CLSTN1: variants seen among roughly 807,000 people sequenced by gnomAD.
CLSTN1 encodes calsyntenin 1, also known as calsyntenin-1.
CLSTN1 carries 28 observed loss-of-function variants against 108.3 expected under a neutral mutation model. The observed-to-expected ratio is 0.26, with a 90% CI of 0.19 to 0.35. The LOEUF is 0.35. Ranked by LOEUF, CLSTN1 falls within the 10% of genes least tolerant of loss-of-function variation. The probability of loss-of-function intolerance (pLI) is 1.00; values close to 1 mark genes in which losing one functional copy is unlikely to be tolerated. For missense variants in CLSTN1, 1,157 were observed against 1,302.6 expected, an observed-to-expected ratio of 0.89 and a Z score of 1.72; for synonymous variants, 524 against 534.9, an observed-to-expected ratio of 0.98 and a Z score of 0.28.
At chr1:9,812,132 G>A (rs758164524) in intron 1 of CLSTN1, among the ~76,000 whole-genome samples, 4 of 152,068 alleles carry the variant, frequency 2.6e-5, no homozygotes, top group East Asian at 1.9e-4. Context: ...GCAAGACTCC[G>A]TCTCAAAAAA....
At chr1:9,810,724 G>A (rs529589762) in intron 1 of CLSTN1, among the ~76,000 whole-genome samples, 18 of 151,656 alleles carry the variant, frequency 1.2e-4, no homozygotes, top group Middle Eastern at 3.4e-3. Flanking sequence ...GCAGTGAGCC[G>A]AGATTGCGCC....
At chr1:9,749,186 A>G (rs753685137) in intron 7 of CLSTN1, among the ~76,000 whole-genome samples, 1 of 152,092 alleles carries the variant, frequency 6.6e-6, no homozygotes, top group Non-Finnish European at 1.5e-5. Context: ...TTACAGGTAT[A>G]AGCCACCACA....
At chr1:9,761,160 C>T (rs1251676106) in intron 2 of CLSTN1, among the ~76,000 whole-genome samples, 2 of 152,100 alleles carry the variant, frequency 1.3e-5, no homozygotes, top group Non-Finnish European at 2.9e-5. Flanking sequence ...CTTCATTCCC[C>T]TAGGAGATCA....
rs986975530 is a variant in CLSTN1, at chr1:9,772,712, A to C, written c.214+560T>G. On this transcript the variant is annotated intron_variant, in intron 2 of 18. Coordinates refer to ENST00000377298, the MANE Select transcript of CLSTN1 (RefSeq NM_001009566.3). ...ATGCTACAGGTTTGTCTCTATAAAG[A>C]CTGAGGCTACAATCTCATGTCTTTA... Among the ~76,000 whole-genome samples, 7 of 152,326 alleles carry C rather than the reference A, an allele frequency of 4.6e-5. No homozygotes were observed. In the South Asian group the frequency reaches 8.3e-4, roughly 18 times the overall value.
In CLSTN1 at chr1:9,749,788, G is replaced by A. The variant is rs1397960645; in HGVS notation, c.775C>T (p.Pro259Ser). ...EDVLVKISIK[P>S]TCTPGWQGWN... is the part of the protein sequence containing the mutation. ...CCTTGCCACCCAGGGGTGCAGGTGG[G>A]CTTAATGCTGATCTTCACCAAAACA... is the stretch of plus-strand genomic sequence containing the variant. Residue 259 changes from proline (P) to serine (S), a missense_variant, in exon 6 of 19, where the codon CCC (proline) becomes TCC (serine). By Grantham distance (74) the Pro-to-Ser change is moderately conservative. Coordinates refer to ENST00000377298, the MANE Select transcript of CLSTN1 (RefSeq NM_001009566.3). The A allele has an allele frequency of 6.2e-7, 1 of 1,614,070 alleles. No homozygotes were observed. Among genetic ancestry groups the A allele is most frequent in the East Asian group, 2.2e-5 (1 of 44,904 alleles).
chr1:9,756,315 T>G (rs1431872856), intron 3 of CLSTN1, among the ~76,000 whole-genome samples, 166 bp downstream of exon 3: 1 of 152,200 alleles, frequency 6.6e-6, no homozygotes, highest in Non-Finnish European at 1.5e-5. Context: ...AAGGGTCTGG[T>G]TACATACAAT....
intron 16 of CLSTN1, 114 bp from the exon 17 acceptor site, chr1:9,732,010 C>A: frequency 1.6e-6 from 2 of 1,225,162 alleles, no homozygotes; most frequent in Non-Finnish European, 2.3e-6. Context: ...GCTCCTGGAC[C>A]GCAGCTGGGG....
intron 1 of CLSTN1, among the ~76,000 whole-genome samples, chr1:9,807,083 G>C (rs977818845): frequency 2.0e-5 from 3 of 152,002 alleles, no homozygotes; most frequent in African/African-American, 7.2e-5. Context: ...GCGGCAGAAA[G>C]AGTCCCAGGT....
chr1:9,822,391 C>T (rs946873372), intron 1 of CLSTN1, among the ~76,000 whole-genome samples: 2 of 152,132 alleles, frequency 1.3e-5, no homozygotes, highest in South Asian at 2.1e-4. Flanking sequence ...ATGCATTTGC[C>T]GCCTCTGCCC....
At chr1:9,742,065 T>C (rs780364150) in intron 9 of CLSTN1, among the ~76,000 whole-genome samples, 2 of 152,248 alleles carry the variant, frequency 1.3e-5, no homozygotes, top group Non-Finnish European at 2.9e-5. Flanking sequence ...CATCCTGTGA[T>C]GAACGAGTGT....
At chr1:9,811,676 A>C (rs1654760302) in intron 1 of CLSTN1, among the ~76,000 whole-genome samples, 1 of 151,438 alleles carries the variant, frequency 6.6e-6, no homozygotes. Context: ...ATGAAATTCA[A>C]GTCAGTGTGT....
intron 2 of CLSTN1, among the ~76,000 whole-genome samples, chr1:9,765,876 CA>C (rs571155814): frequency 1.8e-4 from 27 of 146,384 alleles, no homozygotes; most frequent in Admixed American, 4.8e-4. Flanking sequence ...GACTCTGTCT[CA>C]AAAAAAAAAG....
chr1:9,792,797 CAA>C (rs1653826431), intron 1 of CLSTN1, among the ~76,000 whole-genome samples: 1 of 151,200 alleles, frequency 6.6e-6, no homozygotes, highest in Non-Finnish European at 1.5e-5. Flanking sequence ...GGGGTGGGGT[CAA>C]GTTTCTGCTA....
Position 9,823,573 on chromosome 1 carries a change from G to A in CLSTN1, c.91+70C>T. The A allele has an allele frequency of 9.6e-7, 1 of 1,046,314 alleles. No individual in the cohort carries two copies. Among genetic ancestry groups the A allele is most frequent in the Non-Finnish European group, 1.2e-6 (1 of 836,500 alleles). 64.8% of individuals were successfully genotyped at this position (1,046,314 alleles called of 1,614,324 possible). ...CACCCGGACCCGAATCCCCGCACCG[G>A]GACCCGAATCCTGCACCCGGACCCG... On this transcript the variant is annotated intron_variant, in intron 1 of 18. Transcript: ENST00000377298. This position sits in a 1 kb window ranked among gnomAD's most constrained non-coding sequence, Gnocchi z 6.3.
intron 2 of CLSTN1, among the ~76,000 whole-genome samples, chr1:9,759,260 T>C (rs113327407): frequency 6.6e-6 from 1 of 152,218 alleles, no homozygotes; most frequent in Non-Finnish European, 1.5e-5. Flanking sequence ...GAATTTCAAA[T>C]ACAAATACAG....
In CLSTN1 at chr1:9,749,783, G is replaced by C; in HGVS notation, c.780C>G (p.Thr260=). ...GCTCACCTTGCCACCCAGGGGTGCAGGTGGGCTTAATGCTGATCTTCACCA... is the reference window on the plus strand; with the variant it reads ...GCTCACCTTGCCACCCAGGGGTGCACGTGGGCTTAATGCTGATCTTCACCA... ...DVLVKISIKP[T]CTPGWQGWNN... The change falls in exon 6 of 19, where the codon ACC becomes ACG. Residue 260 remains threonine (T), a synonymous_variant. Transcript: ENST00000377298. 1 of 1,614,210 alleles carries C rather than the reference G, an allele frequency of 6.2e-7. No homozygotes were observed. Among genetic ancestry groups the C allele is most frequent in the Middle Eastern group, 1.6e-4 (1 of 6,062 alleles).
chr1:9,781,072 C>T (rs1176462477), intron 1 of CLSTN1: 12 of 660,370 alleles, frequency 1.8e-5, no homozygotes, highest in Admixed American at 7.4e-5. Context: ...ACTAATCACA[C>T]ATTCTGCTTG....
At chr1:9,745,644 C>T (rs977488959) in intron 7 of CLSTN1, among the ~76,000 whole-genome samples, 2 of 151,900 alleles carry the variant, frequency 1.3e-5, no homozygotes, top group African/African-American at 4.8e-5. Flanking sequence ...GCGAGTGCGA[C>T]CCTGTCTCAA....
chr1:9,731,881 T>C lies in CLSTN1; in HGVS notation c.2443A>G (p.Thr815Ala). 2 of 1,614,116 alleles carry C rather than the reference T, an allele frequency of 1.2e-6. No homozygotes were observed. Among genetic ancestry groups the C allele is most frequent in the Non-Finnish European group, 1.7e-6 (2 of 1,180,018 alleles). The change falls in exon 17 of 19, where the codon ACG becomes GCG. Residue 815 changes from threonine to alanine, a missense_variant. Thr to Ala is a moderately conservative substitution (Grantham distance 58). Coordinates refer to ENST00000377298, the MANE Select transcript of CLSTN1 (RefSeq NM_001009566.3). ...EFKVEVNVIH[T>A]ANPMEHANHM... is the part of the protein sequence containing the mutation. ...TTGGCGTGTTCCATGGGGTTGGCCG[T>C]GTGGATTACATTCACCTATAGCAGA...
Sources: allele counts gnomAD v4.1 joint callset (sites outside exome capture counted in the v4.1 genomes callset), GRCh38; gene constraint gnomAD v4.1.1; non-coding constraint Gnocchi (gnomAD v3.1); transcripts MANE v1.5; gene names NCBI Gene and HGNC (gene_info 2026-07-23, HGNC 2026-07-21).